The following THSD1 variants were observed in gnomAD, a reference collection of about 807,000 sequenced individuals.
The protein encoded by THSD1 is thrombospondin type 1 domain containing 1.
A neutral mutation model predicts 46.3 loss-of-function variants in THSD1; 34 were observed. That is an observed-to-expected ratio of 0.74 (90% CI 0.56 to 0.98). THSD1 has a LOEUF of 0.98. Ranked by LOEUF, THSD1 falls within the 50% of genes least tolerant of loss-of-function variation. The pLI, the probability that THSD1 is intolerant of heterozygous loss-of-function variation, is 0.00. For missense variants in THSD1, 1,023 were observed against 1,058.3 expected (o/e 0.97, Z 0.46); for synonymous variants, 407 against 416.5 (o/e 0.98, Z 0.28).
At chr13:52,384,414 A>G in intron 4 of THSD1, 1 of 455,788 alleles carries the variant, frequency 2.2e-6, no homozygotes, top group South Asian at 1.5e-5. Context: ...CCTATCCCAC[A>G]GGGTCCTCAT....
At chr13:52,390,145 A>G (rs954976471) in intron 3 of THSD1, among the ~76,000 whole-genome samples, 3 of 151,560 alleles carry the variant, frequency 2.0e-5, no homozygotes, top group African/African-American at 7.3e-5. Context: ...TGTCTCAAAA[A>G]AAAAAAAAAG....
chr13:52,389,299 A>C (rs1400679219), intron 3 of THSD1, among the ~76,000 whole-genome samples: 1 of 152,206 alleles, frequency 6.6e-6, no homozygotes, highest in Non-Finnish European at 1.5e-5. Context: ...TAATAAACCA[A>C]TAGTGTAGTT....
At chr13:52,395,365 T>C (rs1377965946) in intron 3 of THSD1, among the ~76,000 whole-genome samples, 2 of 152,026 alleles carry the variant, frequency 1.3e-5, no homozygotes, top group Admixed American at 6.6e-5. Context: ...GTAGCATTTA[T>C]AGGAGGTAAA....
chr13:52,377,718 A>C lies in THSD1; in HGVS notation c.2252T>G (p.Ile751Ser), dbSNP rs766340010. Residue 751 changes from isoleucine (I) to serine (S), a missense_variant, in exon 5 of 5, where the codon ATT (isoleucine) becomes AGT (serine). Ile to Ser is a moderately radical substitution (Grantham distance 142). This residue lies in a region of THSD1 where 578 missense variants were observed against 497.4 expected (regional missense o/e 1.16). Coordinates refer to ENST00000258613, the MANE Select transcript of THSD1 (RefSeq NM_018676.4). ...GDHQAGLVAG[I>S]ERTEPHRARR... ...AGCTCTGTGGGGCTCTGTTCTCTCA[A>C]TTCCGGCCACTAATCCTGCCTGGTG... is the stretch of plus-strand genomic sequence containing the variant. 2.5e-6 allele frequency: 4 copies of C among 1,612,898 alleles called. No homozygotes were observed. In the Admixed American group the frequency reaches 6.7e-5, roughly 27 times the overall value.
chr13:52,397,832 C>T lies in THSD1; in HGVS notation c.421G>A (p.Ala141Thr), dbSNP rs1338704020. 4.3e-6 allele frequency: 7 copies of T among 1,614,146 alleles called. No homozygotes were observed. In the Admixed American group the frequency reaches 6.7e-5, roughly 15 times the overall value. ...HVDLNRSAKA[A>T]EGTFQVGLFT... ...AGGCCCACTTGGAAGGTGCCTTCTG[C>T]TGCCTTGGCACTCCTATTCAAGTCA... The change falls in exon 3 of 5, where the codon GCA (alanine) becomes ACA (threonine). Residue 141 changes from alanine (A) to threonine (T), a missense_variant. Ala to Thr is a moderately conservative substitution (Grantham distance 58). This residue lies in a region of THSD1 where 429 missense variants were observed against 518.3 expected (regional missense o/e 0.83). Coordinates refer to ENST00000258613, the MANE Select transcript of THSD1 (RefSeq NM_018676.4).
chr13:52,401,348 A>G (rs1189452123), intron 2 of THSD1, among the ~76,000 whole-genome samples: 21 of 146,912 alleles, frequency 1.4e-4, no homozygotes, highest in Admixed American at 1.3e-3. Context: ...CACCCAGGCT[A>G]GAGTGCAGTG....
intron 4 of THSD1, among the ~76,000 whole-genome samples, chr13:52,381,786 C>A (rs573074212): frequency 1.3e-5 from 2 of 152,118 alleles, no homozygotes; most frequent in African/African-American, 4.8e-5. Flanking sequence ...TTAAAAGGAC[C>A]CTTCTCCAGC....
chr13:52,397,337 T>C lies in THSD1; in HGVS notation c.916A>G (p.Thr306Ala). The change falls in exon 3 of 5, where the codon ACT becomes GCT. Residue 306 changes from threonine to alanine, a missense_variant. Coordinates refer to ENST00000258613, the MANE Select transcript of THSD1 (RefSeq NM_018676.4). ...LGERRTIFNC[T>A]LFDMGKNKYC... ...TTATTCTTCCCCATGTCAAACAAAG[T>C]ACAGTTAAAAATTGTCCTCCTCTCT... 1.2e-6 allele frequency: 2 copies of C among 1,614,106 alleles called. No individual in the cohort carries two copies. The highest frequency in any genetic ancestry group is 1.7e-6 in the Non-Finnish European group (2 of 1,180,012).
In THSD1 at chr13:52,397,302, A is replaced by G. The variant is rs1428921201; in HGVS notation, c.951T>C (p.Phe317=). 3 of 1,613,780 alleles carry G rather than the reference A, an allele frequency of 1.9e-6. No individual in the cohort carries two copies. The highest frequency in any genetic ancestry group is 3.3e-5 in the Admixed American group (2 of 59,958). ...GGCTTCTGCTTGAAATGCCAAAGTC[A>G]AAGCAGTACTTATTCTTCCCCATGT... is the stretch of plus-strand genomic sequence containing the variant. ...LFDMGKNKYC[F]DFGISSRSHF... Residue 317 remains phenylalanine, a synonymous_variant, in exon 3 of 5, where the codon TTT becomes TTC. Transcript: ENST00000258613.
chr13:52,391,220 A>AT (rs1189826794), intron 3 of THSD1, among the ~76,000 whole-genome samples: 6,373 of 142,596 alleles, frequency 0.045, 146 homozygotes, highest in South Asian at 0.071. Flanking sequence ...CTTAGAATAA[A>AT]TTTTTTTTTT....
intron 1 of THSD1, among the ~76,000 whole-genome samples, chr13:52,405,474 G>T (rs535524991): frequency 1.3e-5 from 2 of 152,226 alleles, no homozygotes; most frequent in East Asian, 3.9e-4. Flanking sequence ...AAAGCAGCTC[G>T]TGTAAACAGG....
intron 3 of THSD1, among the ~76,000 whole-genome samples, chr13:52,386,895 C>A (rs569315893): frequency 1.3e-5 from 2 of 152,288 alleles, no homozygotes; most frequent in South Asian, 4.1e-4. Context: ...AACTCCTTCA[C>A]CCTTGGGGAA....
At chr13:52,381,139 G>A (rs1594096562) in intron 4 of THSD1, among the ~76,000 whole-genome samples, 1 of 151,954 alleles carries the variant, frequency 6.6e-6, no homozygotes, top group East Asian at 1.9e-4. Context: ...TCTCCCATCT[G>A]CCAGACACTT....
chr13:52,401,018 A>G (rs995727876), intron 2 of THSD1, among the ~76,000 whole-genome samples: 1 of 152,138 alleles, frequency 6.6e-6, no homozygotes, highest in Non-Finnish European at 1.5e-5. Flanking sequence ...CTTGTTGCCC[A>G]GGCTGGAGTG....
chr13:52,378,599 G>A lies in THSD1; in HGVS notation c.1371C>T (p.Pro457=). Residue 457 remains proline (P), a synonymous_variant, in exon 5 of 5, where the codon CCC becomes CCT. Transcript: ENST00000258613. ...TPARHNSIHS[P]SFRKNSDEEN... is the part of the protein sequence containing the mutation. ...CCTCGTCCGAGTTCTTCCGGAAGCTGGGGGAGTGGATGGAGTTGTGTCGAG... is the reference window on the plus strand; with the variant it reads ...CCTCGTCCGAGTTCTTCCGGAAGCTAGGGGAGTGGATGGAGTTGTGTCGAG... 1 of 1,614,142 alleles carries A rather than the reference G, an allele frequency of 6.2e-7. No individual in the cohort carries two copies. The highest frequency in any genetic ancestry group is 1.1e-5 in the South Asian group (1 of 91,082).
chr13:52,384,184 C>CAAAAAAAAAA (rs754288122), intron 4 of THSD1: 4 of 162,656 alleles, frequency 2.5e-5, no homozygotes, highest in Admixed American at 8.2e-5. Flanking sequence ...AACTCCGTCT[C>CAAAAAAAAAA]AAAAAAAAAA....
chr13:52,391,676 T>C (rs1299989226), intron 3 of THSD1, among the ~76,000 whole-genome samples: 1 of 151,806 alleles, frequency 6.6e-6, no homozygotes, highest in African/African-American at 2.4e-5. Context: ...CCTGAGTAGC[T>C]GGGACTACAG....
At chr13:52,392,967 C>T (rs1435050584) in intron 3 of THSD1, among the ~76,000 whole-genome samples, 2 of 151,662 alleles carry the variant, frequency 1.3e-5, no homozygotes, top group Non-Finnish European at 2.9e-5. Context: ...CAAAATGAAA[C>T]AGTAAGTTAA....
intron 3 of THSD1, among the ~76,000 whole-genome samples, chr13:52,392,977 A>T (rs1957784311): frequency 6.6e-6 from 1 of 152,158 alleles, no homozygotes; most frequent in South Asian, 2.1e-4. Context: ...CAGTAAGTTA[A>T]GGAGGAAAAA....
Sources: allele counts gnomAD v4.1 joint callset (sites outside exome capture counted in the v4.1 genomes callset), GRCh38; gene constraint gnomAD v4.1.1; regional missense constraint gnomAD v4.1.1; transcripts MANE v1.5; gene names NCBI Gene and HGNC (gene_info 2026-07-23, HGNC 2026-07-21).